The following DMD variants were observed in gnomAD, a reference collection of about 807,000 sequenced individuals.
The protein encoded by DMD is mutant dystrophin.
A neutral mutation model predicts 330.1 loss-of-function variants in DMD; 63 were observed. The observed-to-expected ratio is 0.19, with a 90% CI of 0.16 to 0.24. The LOEUF (loss-of-function observed/expected upper bound fraction) is 0.24. DMD is among the 10% of genes least tolerant of loss of function. The probability of loss-of-function intolerance (pLI) is 1.00; values close to 1 mark genes in which losing one functional copy is unlikely to be tolerated. For synonymous variants in DMD, 1,223 were observed against 959.8 expected, an observed-to-expected ratio of 1.27 and a Z score of -5.07; for missense variants, 3,344 against 2,684.1, an observed-to-expected ratio of 1.25 and a Z score of -5.43.
Position 31,147,291 on chromosome X carries a change from C to T in DMD, c.10781G>A (p.Arg3594Lys). The change falls in exon 75 of 79, where the codon AGG becomes AAG. Residue 3594 changes from arginine to lysine, a missense_variant. By Grantham distance (26) the Arg-to-Lys change is conservative. Coordinates refer to ENST00000357033, the MANE Select transcript of DMD (RefSeq NM_004006.3). ...TCTCCTCACTTGCTCCAGCAGCTGC[C>T]TTAGCCTGTGTAACTGTGACTCCAG... ...KQLESQLHRL[R>K]QLLEQPQAEA... 2.5e-6 allele frequency: 3 copies of T among 1,210,569 alleles called. No individual in the cohort carries two copies. The highest frequency in any genetic ancestry group is 3.4e-6 in the Non-Finnish European group (3 of 894,847).
At chrX:32,248,450 GA>G (rs1396531026) in intron 43 of DMD, among the ~76,000 whole-genome samples, 1 of 109,814 alleles carries the variant, frequency 9.1e-6, no homozygotes, top group African/African-American at 3.3e-5. Flanking sequence ...TTTAATCTCT[GA>G]ACTAAGAAAT....
chrX:31,578,302 A>G (rs774820391), intron 55 of DMD, among the ~76,000 whole-genome samples: 2 of 111,910 alleles, frequency 1.8e-5, no homozygotes, highest in South Asian at 7.5e-4. Flanking sequence ...TGCTGAGAGA[A>G]GTTAAGAGAC....
intron 1 of DMD, among the ~76,000 whole-genome samples, chrX:33,108,363 T>G (rs1367176542): frequency 9.0e-6 from 1 of 110,888 alleles, no homozygotes; most frequent in Non-Finnish European, 1.9e-5. Flanking sequence ...GCCTCTCGGT[T>G]TCAAGGGATT....
intron 30 of DMD, among the ~76,000 whole-genome samples, chrX:32,395,306 C>A (rs1410886956): frequency 1.8e-5 from 2 of 111,216 alleles, no homozygotes; most frequent in Non-Finnish European, 3.8e-5. Flanking sequence ...AATTGTTGCC[C>A]CTATACTTAC....
chrX:32,483,513 T>G (rs1225829054), intron 21 of DMD, among the ~76,000 whole-genome samples: 3 of 109,102 alleles, frequency 2.7e-5, no homozygotes, highest in Non-Finnish European at 5.7e-5. Flanking sequence ...TTAATATGAT[T>G]AAGAGGTATA....
At chrX:31,420,582 A>C (rs2063316568) in intron 60 of DMD, among the ~76,000 whole-genome samples, 1 of 112,466 alleles carries the variant, frequency 8.9e-6, no homozygotes, top group South Asian at 3.7e-4. Context: ...ACATGCGTGA[A>C]CAGGCAATTT....
At chrX:32,310,808 C>T (rs2097559583) in intron 41 of DMD, among the ~76,000 whole-genome samples, 1 of 110,839 alleles carries the variant, frequency 9.0e-6, no homozygotes, top group Non-Finnish European at 1.9e-5. Flanking sequence ...CCTCCAAATT[C>T]TAGACATTAG....
At position 32,510,336 on chromosome X, in the gene DMD, A is replaced by T. The variant is rs1603635153; in HGVS notation, c.2292+7672T>A. ...AAAAGGCCCTAAATTACTTACTTGG[A>T]CATTTTCCCCCATCAAATGCCACTT... On this transcript the variant is annotated intron_variant, in intron 18 of 78. Coordinates refer to ENST00000357033, the MANE Select transcript of DMD (RefSeq NM_004006.3). Among the ~76,000 whole-genome samples, 3 of 111,903 alleles carry T rather than the reference A, an allele frequency of 2.7e-5. No individual in the cohort carries two copies. The South Asian group carries it at 1.1e-3, about 42-fold the overall frequency.
At chrX:32,840,766 G>C (rs745857574) in intron 4 of DMD, among the ~76,000 whole-genome samples, 1 of 111,960 alleles carries the variant, frequency 8.9e-6, no homozygotes, top group African/African-American at 3.2e-5. Flanking sequence ...CTATCATTTG[G>C]TCATTTTCAT....
chrX:32,872,278 G>T (rs1290455001), intron 2 of DMD, among the ~76,000 whole-genome samples: 1 of 111,811 alleles, frequency 8.9e-6, no homozygotes, highest in Admixed American at 9.5e-5. Context: ...CTGCTAAGCT[G>T]CAATGACTTT....
chrX:32,982,074 T>C (rs2092720781), intron 2 of DMD, among the ~76,000 whole-genome samples: 1 of 111,894 alleles, frequency 8.9e-6, no homozygotes, highest in East Asian at 2.8e-4. Flanking sequence ...ACTGGAAAGA[T>C]AAACTGTATG....
At chrX:32,573,333 G>A (rs1273008715) in intron 15 of DMD, among the ~76,000 whole-genome samples, 197 bp downstream of exon 15, 3 of 111,467 alleles carry the variant, frequency 2.7e-5, no homozygotes, top group Non-Finnish European at 5.7e-5. Flanking sequence ...GTACAACTTT[G>A]AAAAACAAAG....
chrX:31,879,483 A>G (rs1246781802), intron 47 of DMD, among the ~76,000 whole-genome samples: 4 of 111,713 alleles, frequency 3.6e-5, no homozygotes, highest in African/African-American at 1.3e-4. Context: ...ACTTTTGTAA[A>G]AAATTATTTA....
chrX:32,595,714 C>A (rs2149264127), intron 13 of DMD, 43 bp downstream of exon 13: 1 of 1,179,980 alleles, frequency 8.5e-7, no homozygotes, highest in Non-Finnish European at 1.2e-6. Flanking sequence ...AGTTATAGTT[C>A]TTTTAAAGGA....
At chrX:33,266,501 T>C (rs192528270) in intron 1 of DMD, among the ~76,000 whole-genome samples, 1 of 111,333 alleles carries the variant, frequency 9.0e-6, no homozygotes, top group African/African-American at 3.3e-5. Flanking sequence ...TTAGTGAAAG[T>C]TGAAAGGGTG....
intron 7 of DMD, among the ~76,000 whole-genome samples, chrX:32,782,314 A>G (rs1276785985): frequency 8.9e-6 from 1 of 111,812 alleles, no homozygotes; most frequent in Non-Finnish European, 1.9e-5. Flanking sequence ...AAAACTAAGA[A>G]TAGTTTCAAT....
intron 74 of DMD, among the ~76,000 whole-genome samples, chrX:31,160,391 C>G (rs2038667300): frequency 9.0e-6 from 1 of 111,238 alleles, no homozygotes; most frequent in African/African-American, 3.3e-5. Context: ...TGCGAAAAAT[C>G]CAGGCTTCCT....
chrX:32,769,355 A>G (rs966301705), intron 7 of DMD, among the ~76,000 whole-genome samples: 1 of 111,184 alleles, frequency 9.0e-6, no homozygotes, highest in African/African-American at 3.3e-5. Flanking sequence ...ACTTACCACT[A>G]TCAAGAAAAC....
At chrX:31,871,153 A>G (rs185332261) in intron 48 of DMD, among the ~76,000 whole-genome samples, 4 of 111,371 alleles carry the variant, frequency 3.6e-5, no homozygotes, top group African/African-American at 1.3e-4. Flanking sequence ...CATGCCTTCT[A>G]GTGGGCTGAC....
Sources: allele counts gnomAD v4.1 joint callset (sites outside exome capture counted in the v4.1 genomes callset), GRCh38; gene constraint gnomAD v4.1.1; transcripts MANE v1.5; gene names NCBI Gene and HGNC (gene_info 2026-07-23, HGNC 2026-07-21).